The following LRRC8D variants were observed in gnomAD, a reference collection of about 807,000 sequenced individuals.
The protein encoded by LRRC8D is volume-regulated anion channel subunit LRRC8D.
A neutral mutation model predicts 55.8 loss-of-function variants in LRRC8D; 20 were observed. That is an observed-to-expected ratio of 0.36 (90% CI 0.25 to 0.52). LRRC8D has a LOEUF of 0.52. LRRC8D is among the 20% of genes least tolerant of loss of function. The pLI, the probability that LRRC8D is intolerant of heterozygous loss-of-function variation, is 0.93. For missense variants in LRRC8D, 651 were observed against 1,030.8 expected (o/e 0.63, Z 5.05); for synonymous variants, 352 against 377.0 (o/e 0.93, Z 0.77).
intron 2 of LRRC8D, among the ~76,000 whole-genome samples, chr1:89,870,691 C>T (rs1402837296): frequency 1.3e-5 from 2 of 152,168 alleles, no homozygotes; most frequent in Admixed American, 1.3e-4. Flanking sequence ...CCCACCTTCC[C>T]CTCAGAATTC....
intron 1 of LRRC8D, among the ~76,000 whole-genome samples, chr1:89,830,903 CT>C (rs1178734654): frequency 0.01 from 1,398 of 135,788 alleles, 7 homozygotes; most frequent in African/African-American, 0.019. Context: ...GCACAATACA[CT>C]TTTTTTTTTT....
chr1:89,925,486 C>T (rs1663536349), intron 2 of LRRC8D, among the ~76,000 whole-genome samples: 2 of 152,298 alleles, frequency 1.3e-5, no homozygotes, highest in South Asian at 4.1e-4. Context: ...TCCTTGGTGC[C>T]AAAATGGTTG....
chr1:89,830,482 C>T (rs114116679), intron 1 of LRRC8D, among the ~76,000 whole-genome samples: 118 of 152,274 alleles, frequency 7.7e-4, no homozygotes, highest in African/African-American at 2.7e-3. Flanking sequence ...AAGTTCTGTA[C>T]CAAGCAGAAA....
intron 1 of LRRC8D, among the ~76,000 whole-genome samples, chr1:89,828,461 G>GTTTTGT (rs1660813940): frequency 6.6e-6 from 1 of 151,904 alleles, no homozygotes; most frequent in Non-Finnish European, 1.5e-5. Context: ...CTGGTTTTTT[G>GTTTTGT]TTTTGTTTTT....
chr1:89,918,056 G>A (rs1043091894), intron 2 of LRRC8D, among the ~76,000 whole-genome samples: 1 of 152,122 alleles, frequency 6.6e-6, no homozygotes, highest in Non-Finnish European at 1.5e-5. Flanking sequence ...ATATTTCTTG[G>A]GTAAAGGAAT....
At chr1:89,926,790 A>G (rs1337612294) in intron 2 of LRRC8D, among the ~76,000 whole-genome samples, 1 of 152,218 alleles carries the variant, frequency 6.6e-6, no homozygotes, top group Admixed American at 6.5e-5. Flanking sequence ...AGCACTGCAA[A>G]CATGAGAAAT....
intron 2 of LRRC8D, among the ~76,000 whole-genome samples, chr1:89,850,465 C>CT (rs1292794313): frequency 6.6e-6 from 1 of 152,166 alleles, no homozygotes; most frequent in Non-Finnish European, 1.5e-5. Flanking sequence ...TTATTTTCCT[C>CT]TATGTGTCCA....
At chr1:89,901,158 G>A (rs1662840166) in intron 2 of LRRC8D, among the ~76,000 whole-genome samples, 1 of 152,170 alleles carries the variant, frequency 6.6e-6, no homozygotes, top group Non-Finnish European at 1.5e-5. Flanking sequence ...CTGTTAACAG[G>A]CAGCATTGGG....
At chr1:89,854,254 G>A (rs141821512) in intron 2 of LRRC8D, among the ~76,000 whole-genome samples, 2 of 152,324 alleles carry the variant, frequency 1.3e-5, no homozygotes, top group Non-Finnish European at 2.9e-5. Context: ...GGGCCTTGAG[G>A]AGACAGCTGG....
At chr1:89,841,884 C>T (rs1661141500) in intron 1 of LRRC8D, among the ~76,000 whole-genome samples, 2 of 152,134 alleles carry the variant, frequency 1.3e-5, no homozygotes, top group African/African-American at 4.8e-5. Flanking sequence ...GGATGGATCA[C>T]AGGATGGTTG....
At chr1:89,845,967 G>A (rs1661267122) in intron 2 of LRRC8D, among the ~76,000 whole-genome samples, 1 of 151,944 alleles carries the variant, frequency 6.6e-6, no homozygotes, top group Non-Finnish European at 1.5e-5. Flanking sequence ...TTTTAGTATT[G>A]ATGGGGTTTA....
At chr1:89,888,526 G>A (rs375905391) in intron 2 of LRRC8D, among the ~76,000 whole-genome samples, 3 of 152,146 alleles carry the variant, frequency 2.0e-5, no homozygotes, top group Non-Finnish European at 4.4e-5. Flanking sequence ...CAATTTCTTC[G>A]CTGTGTCACC....
At chr1:89,860,309 C>T (rs975637705) in intron 2 of LRRC8D, among the ~76,000 whole-genome samples, 2 of 152,114 alleles carry the variant, frequency 1.3e-5, no homozygotes, top group South Asian at 2.1e-4. Flanking sequence ...ATCTTTTATG[C>T]GAAAAGTTAA....
chr1:89,857,644 A>G (rs1481434648), intron 2 of LRRC8D, among the ~76,000 whole-genome samples: 1 of 152,094 alleles, frequency 6.6e-6, no homozygotes, highest in South Asian at 2.1e-4. Flanking sequence ...AATTACTTGC[A>G]CTCCACTAGT....
chr1:89,834,572 C>T (rs1660962015), intron 1 of LRRC8D, among the ~76,000 whole-genome samples: 1 of 152,192 alleles, frequency 6.6e-6, no homozygotes, highest in South Asian at 2.1e-4. Context: ...AAGATATGCC[C>T]CTGCTTTGAA....
intron 2 of LRRC8D, among the ~76,000 whole-genome samples, chr1:89,925,451 GA>G: frequency 6.6e-6 from 1 of 152,144 alleles, no homozygotes; most frequent in East Asian, 1.9e-4. Flanking sequence ...CCCGTCCATG[GA>G]AAAATTGTCT....
chr1:89,871,930 CACTTTT>C (rs1364973381), intron 2 of LRRC8D, among the ~76,000 whole-genome samples: 1 of 152,016 alleles, frequency 6.6e-6, no homozygotes, highest in Non-Finnish European at 1.5e-5. Flanking sequence ...CGTATTTGTC[CACTTTT>C]ACTTTTGGGC....
At chr1:89,822,405 T>C (rs550388312) in intron 1 of LRRC8D, among the ~76,000 whole-genome samples, 1 of 152,324 alleles carries the variant, frequency 6.6e-6, no homozygotes, top group East Asian at 1.9e-4. Context: ...TATATTTGGC[T>C]CCTCGTTGCC....
chr1:89,933,003 T>C lies in LRRC8D; in HGVS notation c.-2-64T>C. On this transcript the variant is annotated intron_variant, in intron 2 of 2. Coordinates refer to ENST00000337338, the MANE Select transcript of LRRC8D (RefSeq NM_001134479.2). This position sits in a 1 kb window ranked among gnomAD's most constrained non-coding sequence, Gnocchi z 7.0. ...CTTTAGTTAGGAGCAGGCATAGGGT[T>C]TTTCTCATTTACTCTTTTCATTTGC... 6.8e-7 allele frequency: 1 copy of C among 1,462,168 alleles called. No individual in the cohort carries two copies. The highest frequency in any genetic ancestry group is 9.3e-7 in the Non-Finnish European group (1 of 1,073,846). The allele number at this position is 1,462,168 out of a possible 1,614,324, so 90.6% of individuals were successfully genotyped here.
Sources: allele counts gnomAD v4.1 joint callset (sites outside exome capture counted in the v4.1 genomes callset), GRCh38; gene constraint gnomAD v4.1.1; non-coding constraint Gnocchi (gnomAD v3.1); transcripts MANE v1.5; gene names NCBI Gene and HGNC (gene_info 2026-07-23, HGNC 2026-07-21).